The following MAP4 variants were observed in gnomAD, a reference collection of about 807,000 sequenced individuals.
MAP4 encodes microtubule-associated protein 4.
Under a neutral mutation model 170.2 loss-of-function variants are expected in MAP4, and 76 were observed. The ratio of observed to expected loss-of-function variants is 0.45; its 90% CI spans 0.37 to 0.54. The LOEUF (loss-of-function observed/expected upper bound fraction) is 0.54, where lower values mean the gene tolerates loss of function less well. Ranked by LOEUF, MAP4 falls within the 20% of genes least tolerant of loss-of-function variation. The probability of loss-of-function intolerance (pLI) is 0.00; values close to 1 mark genes in which losing one functional copy is unlikely to be tolerated. For missense variants in MAP4, 2,506 were observed against 2,748.0 expected (o/e 0.91, Z 1.97); for synonymous variants, 909 against 994.5 (o/e 0.91, Z 1.62).
intron 1 of MAP4, among the ~76,000 whole-genome samples, chr3:48,015,358 G>A (rs1160260870): frequency 1.3e-5 from 2 of 152,066 alleles, no homozygotes; most frequent in Admixed American, 1.3e-4. Flanking sequence ...TTATACGTTT[G>A]TTTTTGCATG....
chr3:47,911,063 C>T lies in MAP4; in HGVS notation c.3358G>A (p.Gly1120Arg), dbSNP rs2100035727. Residue 1120 changes from glycine to arginine, a missense_variant, in exon 9 of 21, where the codon GGG becomes AGG. Gly to Arg is a moderately radical substitution (Grantham distance 125, BLOSUM62 -2). Coordinates refer to ENST00000683076, the MANE Select transcript of MAP4 (RefSeq NM_001385682.1). The surrounding 1 kb of genome is among the most constrained non-coding windows in gnomAD (Gnocchi z 4.0). Reference protein sequence around the residue: ...MTTQDKSEELGLNSSKQPGTK... With the variant: ...MTTQDKSEELRLNSSKQPGTK... ...CCTGGTTGCTTTGAAGAATTCAGCC[C>T]CAGCTCCTCACTCTTATCCTGAGTA... 1 of 1,536,010 alleles carries T rather than the reference C, an allele frequency of 6.5e-7. No individual in the cohort carries two copies.
At chr3:48,017,258 T>G (rs979997645), upstream of MAP4, among the ~76,000 whole-genome samples, 1 of 152,148 alleles carries the variant, frequency 6.6e-6, no homozygotes, top group Non-Finnish European at 1.5e-5. Context: ...AAGCAAAACC[T>G]TACAGTTTTG....
intron 3 of MAP4, among the ~76,000 whole-genome samples, chr3:47,949,641 G>T (rs1215846630): frequency 6.6e-6 from 1 of 152,038 alleles, no homozygotes; most frequent in Non-Finnish European, 1.5e-5. Context: ...TAGGTTAAGA[G>T]GTATGATATA....
chr3:48,077,446 CAAA>C (rs946132735), intron 1 of MAP4, among the ~76,000 whole-genome samples: 1 of 70,844 alleles, frequency 1.4e-5, no homozygotes. Context: ...AACTCAGTCT[CAAA>C]AAAAAAAAAA....
intron 10 of MAP4, among the ~76,000 whole-genome samples, chr3:47,901,968 T>C (rs1274621515): frequency 6.6e-6 from 1 of 152,092 alleles, no homozygotes. Flanking sequence ...GAGACTAGCC[T>C]GGGCAACAGA....
intron 1 of MAP4, among the ~76,000 whole-genome samples, chr3:48,001,793 G>A (rs376997106): frequency 7.9e-5 from 12 of 152,144 alleles, no homozygotes; most frequent in East Asian, 3.9e-4. Context: ...GAGCCCCTGC[G>A]CCCAGCCTGC....
At chr3:48,086,245 C>A (rs1195529043) in intron 1 of MAP4, among the ~76,000 whole-genome samples, 1 of 151,856 alleles carries the variant, frequency 6.6e-6, no homozygotes, top group Non-Finnish European at 1.5e-5. Flanking sequence ...ATCACTTGAA[C>A]CTGGGAGGCA....
chr3:48,021,687 G>GT (rs953046124), intron 1 of MAP4, among the ~76,000 whole-genome samples: 2 of 152,070 alleles, frequency 1.3e-5, no homozygotes, highest in Middle Eastern at 3.2e-3. Flanking sequence ...AGTCCAGTAG[G>GT]TTTTTTCTTT....
chr3:47,895,985 G>C (rs1410887240), intron 10 of MAP4, among the ~76,000 whole-genome samples: 1 of 152,102 alleles, frequency 6.6e-6, no homozygotes, highest in South Asian at 2.1e-4. Context: ...AGGAGACAGA[G>C]AGTTGAAAGA....
At chr3:47,951,136 T>C (rs917640729) in intron 3 of MAP4, among the ~76,000 whole-genome samples, 5 of 152,238 alleles carry the variant, frequency 3.3e-5, no homozygotes, top group African/African-American at 1.2e-4. Flanking sequence ...CTTTTGACTC[T>C]AAAGATTGTT....
intron 1 of MAP4, among the ~76,000 whole-genome samples, chr3:48,060,926 GCT>G (rs1288127031): frequency 1.3e-5 from 2 of 151,752 alleles, no homozygotes; most frequent in African/African-American, 2.4e-5. Flanking sequence ...CTCACTGCAA[GCT>G]CCGTCTCCCA....
chr3:48,016,594 T>C (rs2100107940), upstream of MAP4, among the ~76,000 whole-genome samples: 1 of 152,228 alleles, frequency 6.6e-6, no homozygotes, highest in Non-Finnish European at 1.5e-5. Context: ...ATCTTCCATT[T>C]TATCTAAATT....
intron 6 of MAP4, among the ~76,000 whole-genome samples, chr3:47,917,808 C>T (rs1253360317): frequency 6.6e-6 from 1 of 152,016 alleles, no homozygotes; most frequent in Non-Finnish European, 1.5e-5. Flanking sequence ...AGTCATGCTT[C>T]CTATCAAGAA....
At chr3:47,974,478 T>C (rs2100080782) in intron 3 of MAP4, 1 of 984,740 alleles carries the variant, frequency 1.0e-6, no homozygotes, top group African/African-American at 1.7e-5. Flanking sequence ...GTGCCAATTA[T>C]TTCTTTTAAG....
In MAP4 at chr3:48,057,879, A is replaced by T. The variant is rs530263609; in HGVS notation, c.-20+30894T>A. ...TTATTGTTTCTTACAATTGAATGTA[A>T]ATCTATAATTATCTCAAAATTATTT... On this transcript the variant is annotated intron_variant, in intron 1 of 18. Transcript: ENST00000360240. Among the ~76,000 whole-genome samples, 132 of 152,240 alleles carry T rather than the reference A, an allele frequency of 8.7e-4. 1 individual carries two copies. The highest frequency in any genetic ancestry group is 2.5e-3 in the African/African-American group (104 of 41,556).
intron 9 of MAP4, among the ~76,000 whole-genome samples, chr3:47,908,830 C>T (rs928031065): frequency 6.6e-6 from 1 of 152,144 alleles, no homozygotes; most frequent in African/African-American, 2.4e-5. Context: ...AAAAGGCATG[C>T]AACCAAGTTA....
intron 17 of MAP4, among the ~76,000 whole-genome samples, chr3:47,860,416 A>G (rs924581038): frequency 6.6e-6 from 1 of 152,218 alleles, no homozygotes; most frequent in African/African-American, 2.4e-5. Flanking sequence ...CTGGTCTCGA[A>G]TTTCTGGGCT....
intron 1 of MAP4, among the ~76,000 whole-genome samples, chr3:48,063,723 G>A (rs1180550010): frequency 6.6e-6 from 1 of 151,994 alleles, no homozygotes; most frequent in Non-Finnish European, 1.5e-5. Context: ...AATGCATATT[G>A]CTAGGTGAAA....
chr3:47,918,248 T>A (rs184130503), intron 6 of MAP4, among the ~76,000 whole-genome samples: 1 of 152,130 alleles, frequency 6.6e-6, no homozygotes, highest in East Asian at 1.9e-4. Context: ...CCTCCCAAAG[T>A]GTTGGGATTA....
Sources: allele counts gnomAD v4.1 joint callset (sites outside exome capture counted in the v4.1 genomes callset), GRCh38; gene constraint gnomAD v4.1.1; non-coding constraint Gnocchi (gnomAD v3.1); transcripts MANE v1.5; gene names NCBI Gene and HGNC (gene_info 2026-07-23, HGNC 2026-07-21).